Variants in FBXO21 observed in about 807,000 individuals in gnomAD.
FBXO21 encodes the protein F-box only protein 21.
FBXO21 carries 32 observed loss-of-function variants against 76.6 expected under a neutral mutation model. The observed-to-expected ratio is 0.42, with a 90% CI of 0.32 to 0.56. The LOEUF (loss-of-function observed/expected upper bound fraction) is 0.56. Ranked by LOEUF, FBXO21 falls within the 20% of genes least tolerant of loss-of-function variation. The pLI, the probability that FBXO21 is intolerant of heterozygous loss-of-function variation, is 0.16. For synonymous variants in FBXO21, 328 were observed against 311.5 expected (o/e 1.05, Z -0.56); for missense variants, 586 against 797.3 (o/e 0.73, Z 3.19).
chr12:117,159,412 G>A (rs1380844344), intron 9 of FBXO21, among the ~76,000 whole-genome samples: 1 of 152,168 alleles, frequency 6.6e-6, no homozygotes, highest in African/African-American at 2.4e-5. Context: ...GGTGGAGTGA[G>A]GCTGTGGCTC....
At chr12:117,149,201 C>T (rs998108770) in intron 11 of FBXO21, among the ~76,000 whole-genome samples, 1 of 152,114 alleles carries the variant, frequency 6.6e-6, no homozygotes, top group African/African-American at 2.4e-5. Context: ...GGTCTTGCTA[C>T]GTTGCCCAGG....
At chr12:117,164,468 A>G (rs1956027503) in intron 9 of FBXO21, among the ~76,000 whole-genome samples, 1 of 151,672 alleles carries the variant, frequency 6.6e-6, no homozygotes, top group African/African-American at 2.4e-5. Context: ...TAGAGATGGG[A>G]TTTCACTATG....
In FBXO21 at chr12:117,190,421, C is replaced by A; in HGVS notation, c.36G>T (p.Val12=). The change falls in exon 1 of 12, where the codon GTG becomes GTT. Residue 12 remains valine, a synonymous_variant. Coordinates refer to ENST00000622495, the MANE Select transcript of FBXO21 (RefSeq NM_015002.3). ...AAAAVDSAME[V]VPALAEEAAP... is the part of the protein sequence containing the mutation. ...CGGCCTCCTCCGCCAGCGCCGGCAC[C>A]ACCTCCATCGCGCTGTCGACTGCTG... The A allele has an allele frequency of 6.8e-7, 1 of 1,466,182 alleles. No homozygotes were observed. The highest frequency in any genetic ancestry group is 9.1e-7 in the Non-Finnish European group (1 of 1,104,840). The allele number at this position is 1,466,182 out of a possible 1,614,324, so 90.8% of individuals were successfully genotyped here.
chr12:117,177,606 A>G lies in FBXO21; in HGVS notation c.506T>C (p.Ile169Thr). 1 of 1,613,256 alleles carries G rather than the reference A, an allele frequency of 6.2e-7. No individual in the cohort carries two copies. Among genetic ancestry groups the G allele is most frequent in the Non-Finnish European group, 8.5e-7 (1 of 1,179,446 alleles). Reference sequence around the variant, plus strand: ...CTTCTGTTGCCGCAGGTAGTAAAGAATTTTTTTTGCGTAGTATTTCCAGGT... The same window carrying G: ...CTTCTGTTGCCGCAGGTAGTAAAGAGTTTTTTTTGCGTAGTATTTCCAGGT... ...ALTWKYYAKKILYYLRQQKIL... is the reference protein window; with the variant it reads ...ALTWKYYAKKTLYYLRQQKIL... Residue 169 changes from isoleucine to threonine, a missense_variant, in exon 4 of 12, where the codon ATT becomes ACT. Ile to Thr is a moderately conservative substitution (Grantham distance 89). This residue lies in a region of FBXO21 where 246 missense variants were observed against 356.8 expected (regional missense o/e 0.69). Coordinates refer to ENST00000622495, the MANE Select transcript of FBXO21 (RefSeq NM_015002.3).
intron 11 of FBXO21, among the ~76,000 whole-genome samples, chr12:117,146,861 C>T (rs1955776775): frequency 2.6e-5 from 4 of 152,162 alleles, no homozygotes; most frequent in Admixed American, 2.0e-4. Context: ...CTCCAGACCC[C>T]ATGTGGATAT....
chr12:117,184,926 T>C (rs1297073870), intron 3 of FBXO21, among the ~76,000 whole-genome samples: 3 of 152,126 alleles, frequency 2.0e-5, no homozygotes, highest in African/African-American at 4.8e-5. Flanking sequence ...TGTGCAATAA[T>C]GATCCCTTCC....
At chr12:117,166,190 CAAAAA>C (rs34746643) in intron 8 of FBXO21, among the ~76,000 whole-genome samples, 1 of 107,786 alleles carries the variant, frequency 9.3e-6, no homozygotes, top group Admixed American at 9.1e-5. Context: ...AACTATGTCT[CAAAAA>C]AAAAAAAAAA....
At chr12:117,171,556 A>G (rs1420571965) in intron 7 of FBXO21, among the ~76,000 whole-genome samples, 3 of 152,086 alleles carry the variant, frequency 2.0e-5, no homozygotes, top group African/African-American at 4.8e-5. Context: ...TCCTGGGTAT[A>G]TAATATACTG....
intron 7 of FBXO21, among the ~76,000 whole-genome samples, chr12:117,169,791 G>A (rs914851469): frequency 6.6e-6 from 1 of 152,050 alleles, no homozygotes; most frequent in Non-Finnish European, 1.5e-5. Context: ...ACAGGCGTGC[G>A]TCACCGTGCC....
chr12:117,186,654 G>T, intron 2 of FBXO21, 83 bp from the exon 3 acceptor site: 1 of 828,400 alleles, frequency 1.2e-6, no homozygotes, highest in South Asian at 1.5e-5. Flanking sequence ...CTGAAATAAA[G>T]ATGTCCACTA....
intron 11 of FBXO21, among the ~76,000 whole-genome samples, chr12:117,150,433 G>A (rs1327267534): frequency 6.6e-6 from 1 of 152,220 alleles, no homozygotes; most frequent in Non-Finnish European, 1.5e-5. Context: ...ATCGGTGCCA[G>A]TGTGTCGCTG....
chr12:117,188,577 A>G (rs1245271297), intron 2 of FBXO21, among the ~76,000 whole-genome samples: 1 of 151,848 alleles, frequency 6.6e-6, no homozygotes, highest in Non-Finnish European at 1.5e-5. Context: ...CTTCCATGAG[A>G]CATTTTGAGG....
rs1041841480 is a variant in FBXO21, at chr12:117,174,145, GAA to G, written c.876+58_876+59del. ...GAGCGAGACCCTGTCTCTAAAAACA[GAA>G]AAAAAAAGTTACTATACCTATATTA... On this transcript the variant is annotated intron_variant, in intron 6 of 11. Transcript: ENST00000622495. 63 of 1,384,798 alleles carry G rather than the reference GAA, an allele frequency of 4.5e-5. No individual in the cohort carries two copies. In the Middle Eastern group the frequency reaches 5.9e-4, roughly 13 times the overall value. The allele number at this position is 1,384,798 out of a possible 1,614,324, so 85.8% of individuals were successfully genotyped here. A position where few individuals can be genotyped will look rare whatever the true frequency, so the allele number is the denominator to read the frequency against.
intron 3 of FBXO21, among the ~76,000 whole-genome samples, chr12:117,179,560 A>G (rs1253756342): frequency 6.6e-6 from 1 of 152,050 alleles, no homozygotes; most frequent in Non-Finnish European, 1.5e-5. Flanking sequence ...GTAGTTTAAC[A>G]TGTTCTTCTG....
intron 8 of FBXO21, among the ~76,000 whole-genome samples, 181 bp downstream of exon 8, chr12:117,166,717 A>G (rs1368531523): frequency 5.3e-5 from 8 of 152,232 alleles, no homozygotes; most frequent in African/African-American, 1.4e-4. Context: ...CCCTTGAAAA[A>G]TATCTTTCCT....
At chr12:117,168,530 A>C (rs970730411) in intron 7 of FBXO21, among the ~76,000 whole-genome samples, 2 of 152,072 alleles carry the variant, frequency 1.3e-5, no homozygotes, top group African/African-American at 2.4e-5. Context: ...TCTCAAAAAA[A>C]TAAAAAAAAA....
In FBXO21 at chr12:117,186,505, G is replaced by A; in HGVS notation, c.442C>T (p.Leu148=). 1 of 1,612,576 alleles carries A rather than the reference G, an allele frequency of 6.2e-7. No individual in the cohort carries two copies. The highest frequency in any genetic ancestry group is 8.5e-7 in the Non-Finnish European group (1 of 1,179,150). Residue 148 remains leucine (L), a synonymous_variant, in exon 3 of 12, where the codon CTG becomes TTG. Transcript: ENST00000622495. Reference sequence around the variant, plus strand: ...CCTTCCATATTTAGGATACACACCAGTTCATCCTCAAAAAAAATCTCTGGT... The same window carrying A: ...CCTTCCATATTTAGGATACACACCAATTCATCCTCAAAAAAAATCTCTGGT... ...EGPEIFFEDE[L]VCILNMEGRK...
chr12:117,168,686 T>A (rs1490603480), intron 7 of FBXO21, among the ~76,000 whole-genome samples: 1 of 152,218 alleles, frequency 6.6e-6, no homozygotes, highest in Non-Finnish European at 1.5e-5. Flanking sequence ...AGATCATTTA[T>A]GAGCTATCAT....
At chr12:117,173,887 T>C (rs1378115913) in intron 6 of FBXO21, among the ~76,000 whole-genome samples, 2 of 152,184 alleles carry the variant, frequency 1.3e-5, no homozygotes, top group African/African-American at 2.4e-5. Context: ...CTCACACCTA[T>C]AATCCCAGCG....
Sources: gnomAD v4.1 joint callset for allele counts (sites outside exome capture counted in the v4.1 genomes callset) on GRCh38, gnomAD v4.1.1 for gene constraint, gnomAD v4.1.1 regional missense constraint, MANE v1.5 for transcripts, NCBI Gene and HGNC (gene_info 2026-07-23, HGNC 2026-07-21) for gene names.